The following NOLC1 variants were observed in gnomAD, a reference collection of about 807,000 sequenced individuals.
NOLC1 encodes the protein nucleolar and coiled-body phosphoprotein 1, also known as 140 kDa nucleolar phosphoprotein.
In NOLC1, 37 loss-of-function variants were observed where a neutral mutation model predicts 73.4. The observed-to-expected ratio is 0.50, with a 90% CI of 0.39 to 0.66. NOLC1 has a LOEUF of 0.66. Among genes scored for constraint, NOLC1 ranks in the 30% least tolerant of loss-of-function variants. NOLC1 has a pLI of 0.00. For synonymous variants in NOLC1, 327 were observed against 302.6 expected (o/e 1.08, Z -0.84); for missense variants, 921 against 838.9 (o/e 1.10, Z -1.21).
At chr10:102,156,304 G>A (rs1181641955) in intron 1 of NOLC1, among the ~76,000 whole-genome samples, 1 of 152,116 alleles carries the variant, frequency 6.6e-6, no homozygotes, top group East Asian at 1.9e-4. Context: ...AGAGATGGGG[G>A]TCTTGCTATG....
intron 10 of NOLC1, 35 bp downstream of exon 10, chr10:102,161,128 T>C: frequency 6.4e-7 from 1 of 1,553,936 alleles, no homozygotes; most frequent in Non-Finnish European, 8.6e-7. Flanking sequence ...CTGGGTTTTG[T>C]CCCCCCAAAT....
In NOLC1 at chr10:102,160,435, A is replaced by G. The variant is rs375945128; in HGVS notation, c.1100-17A>G. ...TCCAATTTGGGGAGCTGTTGATTCCATCCCTTCTGTGTCTAGACTCTGACA... is the reference window on the plus strand; with the variant it reads ...TCCAATTTGGGGAGCTGTTGATTCCGTCCCTTCTGTGTCTAGACTCTGACA... On this transcript the variant is annotated splice_polypyrimidine_tract_variant and intron_variant, in intron 9 of 12. Transcript: ENST00000605788. The G allele has an allele frequency of 2.3e-5, 37 of 1,612,284 alleles. No individual in the cohort carries two copies. The African/African-American group carries it at 4.1e-4, about 18-fold the overall frequency.
chr10:102,161,937 A>T lies in NOLC1; in HGVS notation c.1941+12A>T, dbSNP rs757168261. On this transcript the variant is annotated intron_variant, in intron 12 of 12. Coordinates refer to ENST00000605788, the MANE Select transcript of NOLC1 (RefSeq NM_004741.5). The stretch of plus-strand genomic sequence containing the variant: ...CCTTTGATGCCAAGGTGAGAGAGAG[A>T]TCTGTGCCATTCTTGGGAGGGAGGA... 64 of 1,612,740 alleles carry T rather than the reference A, an allele frequency of 4.0e-5. No homozygotes were observed. The highest frequency in any genetic ancestry group is 2.5e-6 in the Non-Finnish European group (3 of 1,178,888).
At position 102,161,528 on chromosome 10, in the gene NOLC1, G is replaced by A. The variant is rs144710202; in HGVS notation, c.1742-28G>A. ...GTTACAGTTGTGAGCCACTGTACTC[G>A]GCCTGAGTCTGGCTTTTTGTTTTGT... is the stretch of plus-strand genomic sequence containing the variant. On this transcript the variant is annotated intron_variant, in intron 10 of 12. Transcript: ENST00000605788. 9.2e-3 allele frequency: 14,424 copies of A among 1,571,530 alleles called. 105 individuals carry two copies. Among genetic ancestry groups the A allele is most frequent in the Middle Eastern group, 0.015 (83 of 5,722 alleles).
At chr10:102,154,525 C>T (rs1277501949) in intron 1 of NOLC1, among the ~76,000 whole-genome samples, 1 of 151,880 alleles carries the variant, frequency 6.6e-6, no homozygotes, top group Non-Finnish European at 1.5e-5. Flanking sequence ...TGATCATTTA[C>T]TCTTTTTTGG....
At chr10:102,159,094 A>AAAAAATG in intron 5 of NOLC1, 99 bp from the exon 6 acceptor site, 1 of 724,784 alleles carries the variant, frequency 1.4e-6, no homozygotes, top group Non-Finnish European at 2.1e-6. Context: ...AAAAAAAAAA[A>AAAAAATG]TGGTGGACTC....
At chr10:102,152,622 G>A (rs1016178942) in intron 1 of NOLC1, 92 bp downstream of exon 1, 5 of 1,557,212 alleles carry the variant, frequency 3.2e-6, no homozygotes, top group Admixed American at 1.8e-5. Flanking sequence ...GGAAGTCTGG[G>A]GGTCCGCCAG....
In NOLC1 at chr10:102,159,440, C is replaced by A. The variant is rs377650259; in HGVS notation, c.731C>A (p.Pro244His). The A allele has an allele frequency of 6.2e-7, 1 of 1,614,088 alleles. No individual in the cohort carries two copies. Among genetic ancestry groups the A allele is most frequent in the Non-Finnish European group, 8.5e-7 (1 of 1,180,004 alleles). The change falls in exon 7 of 13, where the codon CCT becomes CAT. Residue 244 changes from proline to histidine, a missense_variant. Physicochemically the swap from Pro to His is moderately conservative, Grantham distance 77. Coordinates refer to ENST00000605788, the MANE Select transcript of NOLC1 (RefSeq NM_004741.5). Reference protein sequence around the residue: ...KAAATPKKTVPKKQVVAKAPV... With the variant: ...KAAATPKKTVHKKQVVAKAPV... ...ATTTTCTTTCTAATGCAGACTGTAC[C>A]TAAAAAGCAAGTTGTGGCCAAGGCC...
chr10:102,153,686 T>G (rs1263554560), intron 1 of NOLC1, among the ~76,000 whole-genome samples: 3 of 149,632 alleles, frequency 2.0e-5, no homozygotes, highest in African/African-American at 7.4e-5. Flanking sequence ...TTTTTTTTTT[T>G]TTTTTTTTGA....
rs1451866999 is a variant in NOLC1, at chr10:102,157,657, A to G, written c.441+102A>G. ...ACCAAGGGGTGATGGCGGCAATACA[A>G]TAGGTGATTATGAGGAAGAAAATCT... On this transcript the variant is annotated intron_variant, in intron 4 of 12. Transcript: ENST00000605788. The G allele has an allele frequency of 9.9e-6, 13 of 1,308,214 alleles. No individual in the cohort carries two copies. In the East Asian group the frequency reaches 1.3e-4, roughly 13 times the overall value. The allele number at this position is 1,308,214 out of a possible 1,614,324, so 81.0% of individuals were successfully genotyped here.
rs536109107 is a variant in NOLC1, at chr10:102,154,930, G to A, written c.121-2089G>A. On this transcript the variant is annotated intron_variant, in intron 1 of 12. Transcript: ENST00000605788. ...GAGTAAAGTGATGCAATCATACTTCGCTGTAGCATCGAACTCCTGGGCTCA... is the reference window on the plus strand; with the variant it reads ...GAGTAAAGTGATGCAATCATACTTCACTGTAGCATCGAACTCCTGGGCTCA... 8.6e-5 allele frequency among the ~76,000 whole-genome samples: 13 copies of A among 151,832 alleles called. No individual in the cohort carries two copies. The East Asian group carries it at 9.7e-4, about 11-fold the overall frequency.
Position 102,160,213 on chromosome 10 carries a change from A to T in NOLC1, c.989-20A>T. 1 of 1,610,024 alleles carries T rather than the reference A, an allele frequency of 6.2e-7. No individual in the cohort carries two copies. Among genetic ancestry groups the T allele is most frequent in the Non-Finnish European group, 8.5e-7 (1 of 1,176,340 alleles). On this transcript the variant is annotated intron_variant, in intron 8 of 12. Coordinates refer to ENST00000605788, the MANE Select transcript of NOLC1 (RefSeq NM_004741.5). ...GGGTTGGGACTCTGGACCCAGCATAATGCTACAGGTTCTCCTCAGATTCAA... is the reference window on the plus strand; with the variant it reads ...GGGTTGGGACTCTGGACCCAGCATATTGCTACAGGTTCTCCTCAGATTCAA...
rs2069685295 is a variant in NOLC1, at chr10:102,160,540, G to A, written c.1188G>A (p.Lys396=). 1.2e-6 allele frequency: 2 copies of A among 1,614,076 alleles called. No individual in the cohort carries two copies. The highest frequency in any genetic ancestry group is 2.2e-5 in the South Asian group (2 of 91,082). Residue 396 remains lysine, a synonymous_variant, in exon 10 of 13, where the codon AAG becomes AAA. Transcript: ENST00000605788. The part of the protein sequence containing the change: ...NSSNKPAVTT[K]SPAVKPAAAP... ...CAAATAAGCCAGCTGTCACCACCAA[G>A]TCACCTGCAGTGAAGCCAGCTGCAG... is the stretch of plus-strand genomic sequence containing the variant.
chr10:102,161,452 A>T, intron 10 of NOLC1, 104 bp from the exon 11 acceptor site: 1 of 808,742 alleles, frequency 1.2e-6, no homozygotes, highest in Non-Finnish European at 2.0e-6. Flanking sequence ...GGCTGATCTG[A>T]ATTTCCTGGG....
chr10:102,156,684 C>T (rs2069600996), intron 1 of NOLC1, among the ~76,000 whole-genome samples: 1 of 152,074 alleles, frequency 6.6e-6, no homozygotes, highest in Non-Finnish European at 1.5e-5. Context: ...CTGCCTGCCT[C>T]GGCCTCCCAA....
In NOLC1 at chr10:102,159,879, C is replaced by T. The variant is rs367840645; in HGVS notation, c.860-17C>T. The T allele has an allele frequency of 1.3e-6, 2 of 1,531,392 alleles. No individual in the cohort carries two copies. The highest frequency in any genetic ancestry group is 2.8e-5 in the African/African-American group (2 of 71,424). 94.9% of individuals were successfully genotyped at this position (1,531,392 alleles called of 1,614,324 possible). On this transcript the variant is annotated splice_polypyrimidine_tract_variant and intron_variant, in intron 7 of 12. Transcript: ENST00000605788. ...GTAGACATATCCTAAAACCATCACA[C>T]TATCCTTTTTAAACAGGTCCCTACA... is the stretch of plus-strand genomic sequence containing the variant.
intron 5 of NOLC1, 111 bp from the exon 6 acceptor site, chr10:102,159,065 CAAAAAAAAAAAAAAAAA>C (rs35183508): frequency 4.2e-4 from 152 of 357,936 alleles, no homozygotes; most frequent in Middle Eastern, 2.7e-3. Context: ...ACTCCGTCTC[CAAAAAAAAAAAAAAAAA>C]AAAAAAAAAA....
chr10:102,155,045 A>G (rs2069570075), intron 1 of NOLC1, among the ~76,000 whole-genome samples: 1 of 121,686 alleles, frequency 8.2e-6, no homozygotes, highest in Non-Finnish European at 1.7e-5. Flanking sequence ...TTTTTTTGTG[A>G]CAGTTTCGCT....
chr10:102,161,147 G>T lies in NOLC1; in HGVS notation c.1741+54G>T. 6.6e-7 allele frequency: 1 copy of T among 1,521,462 alleles called. No homozygotes were observed. Among genetic ancestry groups the T allele is most frequent in the Non-Finnish European group, 8.8e-7 (1 of 1,141,882 alleles). The allele number at this position is 1,521,462 out of a possible 1,614,324, so 94.2% of individuals were successfully genotyped here. On this transcript the variant is annotated intron_variant, in intron 10 of 12. Transcript: ENST00000605788. ...GTTTTGTCCCCCCAAATCAGGATGG[G>T]ATATACTCTTTGAGAGTAGGGTAGT...
Sources: gnomAD v4.1 joint callset for allele counts (sites outside exome capture counted in the v4.1 genomes callset) on GRCh38, gnomAD v4.1.1 for gene constraint, MANE v1.5 for transcripts, NCBI Gene and HGNC (gene_info 2026-07-23, HGNC 2026-07-21) for gene names.